The following PHACTR1 variants were observed in gnomAD, a reference collection of about 807,000 sequenced individuals.
The protein encoded by PHACTR1 is RPEL repeat containing 1.
In PHACTR1, 16 loss-of-function variants were observed where a neutral mutation model predicts 69.2. That is an observed-to-expected ratio of 0.23 (90% CI 0.16 to 0.35). The LOEUF is 0.35. Ranked by LOEUF, PHACTR1 falls within the 10% of genes least tolerant of loss-of-function variation. The pLI is 1.00. For synonymous variants in PHACTR1, 312 were observed against 284.5 expected (o/e 1.10, Z -0.97); for missense variants, 510 against 734.7 (o/e 0.69, Z 3.54).
rs556184760 is a variant in PHACTR1 at position 12,887,930 on chromosome 6, G to A, written c.250+138140G>A. ...CTAAAATACAAAAAAAAAATTAGCC[G>A]GGCATGGTGATGGGCACCTGTAGTC... On this transcript the variant is annotated intron_variant, in intron 4 of 14. Coordinates refer to ENST00000332995, the MANE Select transcript of PHACTR1 (RefSeq NM_030948.6). 1.1e-3 allele frequency among the ~76,000 whole-genome samples: 163 copies of A among 151,766 alleles called. 2 individuals carry two copies. In the South Asian group the frequency reaches 0.032, roughly 30 times the overall value.
In PHACTR1 at chr6:12,929,054, C is replaced by T. The variant is rs184329025; in HGVS notation, c.251-124311C>T. Among the ~76,000 whole-genome samples the T allele has an allele frequency of 1.0e-3, 155 of 152,294 alleles. 1 individual carries two copies. Among genetic ancestry groups the T allele is most frequent in the Non-Finnish European group, 1.1e-3 (75 of 68,026 alleles). Reference sequence around the variant, plus strand: ...TTTAGAGAACTATGCTAAGCAAAGCCGGATCAGCTCCATTTCGGAGTTCAT... The same window carrying T: ...TTTAGAGAACTATGCTAAGCAAAGCTGGATCAGCTCCATTTCGGAGTTCAT... On this transcript the variant is annotated intron_variant, in intron 4 of 14. Coordinates refer to ENST00000332995, the MANE Select transcript of PHACTR1 (RefSeq NM_030948.6).
intron 5 of PHACTR1, among the ~76,000 whole-genome samples, chr6:13,092,659 C>A (rs1405496610): frequency 6.6e-6 from 1 of 152,138 alleles, no homozygotes; most frequent in Non-Finnish European, 1.5e-5. Context: ...AGCTTGTTTA[C>A]CTACAACTAC....
At chr6:13,129,898 A>G (rs1200255060) in intron 5 of PHACTR1, among the ~76,000 whole-genome samples, 2 of 152,170 alleles carry the variant, frequency 1.3e-5, no homozygotes, top group African/African-American at 4.8e-5. Context: ...AGACCATATA[A>G]TAGGTCACAA....
chr6:12,766,981 A>G (rs1768700164), intron 4 of PHACTR1, among the ~76,000 whole-genome samples: 1 of 152,220 alleles, frequency 6.6e-6, no homozygotes, highest in African/African-American at 2.4e-5. Flanking sequence ...GAATACATAT[A>G]AATCTATATG....
chr6:13,147,034 C>T (rs1190705265), intron 5 of PHACTR1, among the ~76,000 whole-genome samples: 1 of 152,164 alleles, frequency 6.6e-6, no homozygotes, highest in Non-Finnish European at 1.5e-5. Flanking sequence ...TGCAGGGTCA[C>T]CTGTTTCACA....
At chr6:13,234,340 A>T (rs189884143) in intron 10 of PHACTR1, among the ~76,000 whole-genome samples, 1 of 152,276 alleles carries the variant, frequency 6.6e-6, no homozygotes, top group Non-Finnish European at 1.5e-5. Flanking sequence ...AAAAGTAACT[A>T]AAAGAATGTA....
intron 8 of PHACTR1, among the ~76,000 whole-genome samples, 166 bp from the exon 9 acceptor site, chr6:13,227,650 G>A (rs966844369): frequency 1.3e-5 from 2 of 152,094 alleles, no homozygotes; most frequent in Admixed American, 6.5e-5. Context: ...TCAGGACACC[G>A]TGCCGTCTTA....
At chr6:13,123,274 G>A (rs1289607808) in intron 5 of PHACTR1, among the ~76,000 whole-genome samples, 2 of 152,146 alleles carry the variant, frequency 1.3e-5, no homozygotes, top group Non-Finnish European at 2.9e-5. Flanking sequence ...GCTCCCCAGG[G>A]ATCAGATTTA....
At chr6:13,161,267 C>T (rs928459378) in intron 6 of PHACTR1, among the ~76,000 whole-genome samples, 3 of 152,278 alleles carry the variant, frequency 2.0e-5, no homozygotes, top group African/African-American at 4.8e-5. Context: ...CGTGAGCCAC[C>T]GCGCCCGGCC....
At chr6:13,274,117 ACCCCCGCCCGACG>A (rs1331054389) in intron 11 of PHACTR1, 1 of 145,692 alleles carries the variant, frequency 6.9e-6, no homozygotes, top group Non-Finnish European at 1.5e-5. Context: ...TACAGCACCC[ACCCCCGCCCGACG>A]CCCCCGCATG....
chr6:13,133,754 C>T (rs1174896799), intron 5 of PHACTR1, among the ~76,000 whole-genome samples: 1 of 151,904 alleles, frequency 6.6e-6, no homozygotes, highest in Non-Finnish European at 1.5e-5. Context: ...GCCTGGCCGC[C>T]CATCGTCTGG....
intron 7 of PHACTR1, among the ~76,000 whole-genome samples, chr6:13,192,277 GTTAT>G (rs1482786490): frequency 6.6e-6 from 1 of 152,210 alleles, no homozygotes; most frequent in Non-Finnish European, 1.5e-5. Flanking sequence ...TTAAGGAGGA[GTTAT>G]TTAAGACAAG....
intron 5 of PHACTR1, among the ~76,000 whole-genome samples, chr6:13,080,493 T>A (rs1340992716): frequency 6.6e-6 from 1 of 152,194 alleles, no homozygotes. Context: ...GTGATTTGCT[T>A]CGGCAAAGTC....
At chr6:12,881,595 C>G (rs960624591) in intron 4 of PHACTR1, among the ~76,000 whole-genome samples, 14 of 152,082 alleles carry the variant, frequency 9.2e-5, no homozygotes, top group Admixed American at 9.2e-4. Context: ...CTCTCCATTT[C>G]ATCACCCCAA....
intron 7 of PHACTR1, among the ~76,000 whole-genome samples, chr6:13,194,918 C>T (rs1764160604): frequency 1.3e-5 from 2 of 152,072 alleles, no homozygotes; most frequent in South Asian, 2.1e-4. Context: ...ACGGTCCTCA[C>T]GGAGGCCAGA....
chr6:12,930,585 A>G (rs764862852), intron 4 of PHACTR1, among the ~76,000 whole-genome samples: 11 of 152,212 alleles, frequency 7.2e-5, no homozygotes, highest in African/African-American at 2.4e-5. Context: ...AGAAGAGAGC[A>G]CAGGAGCCTG....
intron 4 of PHACTR1, among the ~76,000 whole-genome samples, chr6:12,827,040 G>C (rs774627147): frequency 6.6e-6 from 1 of 152,126 alleles, no homozygotes; most frequent in Non-Finnish European, 1.5e-5. Flanking sequence ...TCCCTCACTC[G>C]TTATCGTCCT....
At chr6:13,221,376 TA>T (rs1434757611) in intron 8 of PHACTR1, among the ~76,000 whole-genome samples, 1 of 132,894 alleles carries the variant, frequency 7.5e-6, no homozygotes, top group African/African-American at 2.9e-5. Context: ...CTCTTTTGAT[TA>T]GGAGAATTAC....
At chr6:12,732,326 G>C (rs1763645267) in intron 3 of PHACTR1, among the ~76,000 whole-genome samples, 1 of 150,594 alleles carries the variant, frequency 6.6e-6, no homozygotes, top group Admixed American at 6.6e-5. Context: ...TGGGGGTGCT[G>C]TTTAAGACAT....
Sources: gnomAD v4.1 joint callset for allele counts (sites outside exome capture counted in the v4.1 genomes callset) on GRCh38, gnomAD v4.1.1 for gene constraint, MANE v1.5 for transcripts, NCBI Gene and HGNC (gene_info 2026-07-23, HGNC 2026-07-21) for gene names.